The following NXPE2 variants were observed in gnomAD, a reference collection of about 807,000 sequenced individuals.
The protein encoded by NXPE2 is NXPE family member 2.
NXPE2 carries 34 observed loss-of-function variants against 34.4 expected under a neutral mutation model. The ratio of observed to expected loss-of-function variants is 0.99; its 90% confidence interval spans 0.75 to 1.31. NXPE2 has a LOEUF of 1.31. NXPE2 is among the 40% of genes most tolerant of loss of function. The pLI, the probability that NXPE2 is intolerant of heterozygous loss-of-function variation, is 0.00. For missense variants in NXPE2, 649 were observed against 672.5 expected (o/e 0.97, Z 0.39); for synonymous variants, 235 against 231.3 (o/e 1.02, Z -0.15).
the NXPE2 span, among the ~76,000 whole-genome samples, chr11:114,786,550 G>A: frequency 6.6e-6 from 1 of 152,104 alleles, no homozygotes; most frequent in African/African-American, 2.4e-5. Context: ...AGGAGTACAG[G>A]TTGCTAAATT....
the NXPE2 span, among the ~76,000 whole-genome samples, chr11:114,567,338 T>C: frequency 6.6e-6 from 1 of 151,984 alleles, no homozygotes; most frequent in Non-Finnish European, 1.5e-5. Context: ...CCCTGGTTCA[T>C]GATTGCCTGA....
chr11:114,577,788 C>T, the NXPE2 span, among the ~76,000 whole-genome samples: 8 of 152,218 alleles, frequency 5.3e-5, no homozygotes, highest in African/African-American at 7.2e-5. Context: ...AACAAGTAAA[C>T]CCTATTTCCC....
chr11:114,775,476 A>C, the NXPE2 span, among the ~76,000 whole-genome samples: 4 of 152,336 alleles, frequency 2.6e-5, no homozygotes, highest in Admixed American at 1.3e-4. Flanking sequence ...TGCATCTCCA[A>C]AGGGCTCCTG....
At chr11:114,599,517 G>A in the NXPE2 span, among the ~76,000 whole-genome samples, 1 of 152,022 alleles carries the variant, frequency 6.6e-6, no homozygotes, top group Non-Finnish European at 1.5e-5. Flanking sequence ...CTGTTCTCAC[G>A]CTGCTATAAA....
chr11:114,645,539 AT>A, the NXPE2 span, among the ~76,000 whole-genome samples: 8 of 152,194 alleles, frequency 5.3e-5, no homozygotes, highest in Admixed American at 5.2e-4. Flanking sequence ...ATTTAACTAT[AT>A]TAAATTTTTG....
the NXPE2 span, among the ~76,000 whole-genome samples, chr11:114,732,439 C>T: frequency 6.6e-6 from 1 of 152,228 alleles, no homozygotes; most frequent in Non-Finnish European, 1.5e-5. Context: ...TTTGCTTTCT[C>T]ACAAGTGTCC....
chr11:114,528,669 G>T, the NXPE2 span: 1 of 452,302 alleles, frequency 2.2e-6, no homozygotes, highest in South Asian at 6.3e-5. Flanking sequence ...CACTCTTCCT[G>T]CTTGAAAGCT....
At chr11:114,473,348 A>G in the NXPE2 span, among the ~76,000 whole-genome samples, 1 of 152,302 alleles carries the variant, frequency 6.6e-6, no homozygotes, top group South Asian at 2.1e-4. Flanking sequence ...GGTGATTTCA[A>G]TCATCTATTT....
the NXPE2 span, among the ~76,000 whole-genome samples, chr11:114,803,048 A>G: frequency 1.2e-3 from 190 of 152,252 alleles, no homozygotes; most frequent in African/African-American, 4.5e-3. Context: ...AGATCAGACG[A>G]CTGCTTCTCC....
At chr11:114,579,334 T>A in the NXPE2 span, among the ~76,000 whole-genome samples, 1 of 152,104 alleles carries the variant, frequency 6.6e-6, no homozygotes, top group African/African-American at 2.4e-5. Context: ...CCACCTCCAG[T>A]GTTGGAGATC....
chr11:114,550,426 A>G, the NXPE2 span, among the ~76,000 whole-genome samples: 8 of 152,194 alleles, frequency 5.3e-5, no homozygotes, highest in South Asian at 4.1e-4. Context: ...CTCATTATAT[A>G]TACAAATTTA....
the NXPE2 span, among the ~76,000 whole-genome samples, chr11:114,776,828 C>G: frequency 6.6e-6 from 1 of 152,142 alleles, no homozygotes; most frequent in African/African-American, 2.4e-5. Flanking sequence ...TTGTTTGGTT[C>G]AGAGCATTGT....
At chr11:114,509,665 C>G in the NXPE2 span, among the ~76,000 whole-genome samples, 2 of 152,074 alleles carry the variant, frequency 1.3e-5, no homozygotes, top group African/African-American at 2.4e-5. Flanking sequence ...CAAACTAACA[C>G]AGAAACAGAA....
chr11:114,812,999 G>A, the NXPE2 span, among the ~76,000 whole-genome samples: 3 of 152,256 alleles, frequency 2.0e-5, no homozygotes, highest in East Asian at 1.9e-4. Flanking sequence ...GGCCGGCAGC[G>A]AGGTGCCCTG....
chr11:114,539,605 T>C, the NXPE2 span, among the ~76,000 whole-genome samples: 1 of 152,184 alleles, frequency 6.6e-6, no homozygotes, highest in African/African-American at 2.4e-5. Context: ...AAATTAAAAA[T>C]TTTCTGTATT....
chr11:114,477,629 A>G, the NXPE2 span, among the ~76,000 whole-genome samples: 2 of 152,150 alleles, frequency 1.3e-5, no homozygotes, highest in Admixed American at 6.6e-5. Context: ...ATATTGCAAG[A>G]AAAACGAATG....
the NXPE2 span, among the ~76,000 whole-genome samples, chr11:114,733,768 T>C: frequency 2.6e-5 from 4 of 152,190 alleles, no homozygotes; most frequent in Non-Finnish European, 1.5e-5. Flanking sequence ...CTAGATGTTT[T>C]GCCAGGGGTC....
At chr11:114,573,254 T>C in the NXPE2 span, among the ~76,000 whole-genome samples, 1 of 152,140 alleles carries the variant, frequency 6.6e-6, no homozygotes, top group African/African-American at 2.4e-5. Context: ...TAGAACCTCC[T>C]TAAAGCATAA....
the NXPE2 span, among the ~76,000 whole-genome samples, chr11:114,581,094 T>G: frequency 6.6e-6 from 1 of 152,214 alleles, no homozygotes; most frequent in Admixed American, 6.5e-5. Flanking sequence ...TATTAGTGAT[T>G]AGCAAGGCTT....
Sources: gnomAD v4.1 joint callset for allele counts (sites outside exome capture counted in the v4.1 genomes callset) on GRCh38, gnomAD v4.1.1 for gene constraint, MANE v1.5 for transcripts, NCBI Gene and HGNC (gene_info 2026-07-23, HGNC 2026-07-21) for gene names.